Variants in PTPRE observed in about 807,000 individuals in gnomAD.
PTPRE encodes receptor-type tyrosine-protein phosphatase epsilon.
A neutral mutation model predicts 102.0 loss-of-function variants in PTPRE; 51 were observed. The ratio of observed to expected loss-of-function variants is 0.50; its 90% confidence interval spans 0.40 to 0.63. PTPRE has a LOEUF of 0.63. Ranked by LOEUF, PTPRE falls within the 30% of genes least tolerant of loss-of-function variation. The probability of loss-of-function intolerance (pLI) is 0.00; values close to 1 mark genes in which losing one functional copy is unlikely to be tolerated. For synonymous variants in PTPRE, 345 were observed against 348.2 expected, an observed-to-expected ratio of 0.99 and a Z score of 0.10; for missense variants, 752 against 915.1, an observed-to-expected ratio of 0.82 and a Z score of 2.30.
At chr10:127,997,014 C>A in intron 2 of PTPRE, among the ~76,000 whole-genome samples, 1 of 151,468 alleles carries the variant, frequency 6.6e-6, no homozygotes. Context: ...ACATGCAAAG[C>A]AAAAAACAAA....
chr10:127,949,916 C>A (rs1464875386), intron 1 of PTPRE, among the ~76,000 whole-genome samples: 1 of 152,058 alleles, frequency 6.6e-6, no homozygotes, highest in Non-Finnish European at 1.5e-5. Flanking sequence ...AAGTGACCTC[C>A]CCTATCCCAG....
At position 128,083,015 on chromosome 10, in the gene PTPRE, A is replaced by T. The variant is rs1851855855; in HGVS notation, c.*109A>T. ...AATATCTTCCCTAATTTCTTTGTAT[A>T]TATTTTGTTATGCCTTAAAGGCCAC... On this transcript the variant is annotated 3_prime_UTR_variant, in exon 21 of 21. Coordinates refer to ENST00000254667, the MANE Select transcript of PTPRE (RefSeq NM_006504.6). 8.7e-7 allele frequency: 1 copy of T among 1,152,380 alleles called. No individual in the cohort carries two copies. The highest frequency in any genetic ancestry group is 1.1e-6 in the Non-Finnish European group (1 of 870,998). The allele number at this position is 1,152,380 out of a possible 1,614,324, so 71.4% of individuals were successfully genotyped here. A position where few individuals can be genotyped will look rare whatever the true frequency, so the allele number is the denominator to read the frequency against.
chr10:128,018,654 C>T (rs1283251790), intron 2 of PTPRE, among the ~76,000 whole-genome samples: 1 of 152,178 alleles, frequency 6.6e-6, no homozygotes, highest in African/African-American at 2.4e-5. Context: ...TCCTCTGCGA[C>T]CAGGGACCCT....
At chr10:127,971,967 T>C (rs1325279496) in intron 1 of PTPRE, among the ~76,000 whole-genome samples, 3 of 152,220 alleles carry the variant, frequency 2.0e-5, no homozygotes, top group Non-Finnish European at 4.4e-5. Context: ...CCCAGCCTAG[T>C]TTATAGAAGC....
chr10:128,076,020 T>C (rs1350533661), intron 17 of PTPRE, among the ~76,000 whole-genome samples: 1 of 152,236 alleles, frequency 6.6e-6, no homozygotes, highest in African/African-American at 2.4e-5. Context: ...TGATGTTTGT[T>C]GATGAAGAGA....
chr10:128,058,280 G>A (rs1849184995), intron 7 of PTPRE, among the ~76,000 whole-genome samples: 1 of 152,216 alleles, frequency 6.6e-6, no homozygotes, highest in African/African-American at 2.4e-5. Context: ...CCCACCCACT[G>A]CAAGTCTTCT....
At chr10:128,024,525 C>A (rs1846154208) in intron 2 of PTPRE, among the ~76,000 whole-genome samples, 1 of 152,194 alleles carries the variant, frequency 6.6e-6, no homozygotes, top group African/African-American at 2.4e-5. Flanking sequence ...TTCAAGAGGA[C>A]ACTATGCGTA....
At chr10:127,963,737 G>A (rs983089555) in intron 1 of PTPRE, among the ~76,000 whole-genome samples, 5 of 152,048 alleles carry the variant, frequency 3.3e-5, no homozygotes, top group African/African-American at 9.7e-5. Flanking sequence ...TGGAACCCAC[G>A]GGGCTGGGGA....
intron 1 of PTPRE, among the ~76,000 whole-genome samples, chr10:127,913,723 C>A (rs1394058136): frequency 6.6e-6 from 1 of 152,176 alleles, no homozygotes; most frequent in Non-Finnish European, 1.5e-5. Context: ...AGCTCCTGTC[C>A]AGGCAGGTTC....
chr10:128,069,747 A>G lies in PTPRE; in HGVS notation c.1063A>G (p.Met355Val). The change falls in exon 13 of 21, where the codon ATG becomes GTG. Residue 355 changes from methionine (M) to valine (V), a missense_variant. Coordinates refer to ENST00000254667, the MANE Select transcript of PTPRE (RefSeq NM_006504.6). ...FIVIDAMMAM[M>V]HAEQKVDVFE... ...TGTGATCGATGCCATGATGGCCATG[A>G]TGCACGCGGAGCAGAAGGTGGATGT... 5 of 1,614,184 alleles carry G rather than the reference A, an allele frequency of 3.1e-6. No individual in the cohort carries two copies. The highest frequency in any genetic ancestry group is 4.2e-6 in the Non-Finnish European group (5 of 1,180,040).
intron 2 of PTPRE, among the ~76,000 whole-genome samples, chr10:127,984,202 C>T (rs1340141337): frequency 6.6e-6 from 1 of 151,920 alleles, no homozygotes; most frequent in South Asian, 2.1e-4. Flanking sequence ...CTGCCTCAGC[C>T]TCCCGAGTAG....
chr10:127,958,638 T>C (rs1849568837), intron 1 of PTPRE, among the ~76,000 whole-genome samples: 1 of 152,206 alleles, frequency 6.6e-6, no homozygotes, highest in East Asian at 1.9e-4. Context: ...ATGAGAGATA[T>C]TGGTCAATAG....
Position 128,070,502 on chromosome 10 carries a change from G to A in PTPRE, c.1293+52G>A, listed in dbSNP as rs774729852. 7.6e-5 allele frequency: 120 copies of A among 1,579,342 alleles called. No individual in the cohort carries two copies. The highest frequency in any genetic ancestry group is 1.7e-4 in the Middle Eastern group (1 of 5,898). ...TCCTGGTGTAAGCAGCCAAGGGCAC[G>A]AGGAAAACAGGTGACCATTTAAAGG... On this transcript the variant is annotated intron_variant, in intron 14 of 20. Coordinates refer to ENST00000254667, the MANE Select transcript of PTPRE (RefSeq NM_006504.6). The surrounding 1 kb of genome is among the most constrained non-coding windows in gnomAD (Gnocchi z 4.8).
At chr10:127,956,856 A>C (rs972870059) in intron 1 of PTPRE, among the ~76,000 whole-genome samples, 1 of 152,058 alleles carries the variant, frequency 6.6e-6, no homozygotes, top group Non-Finnish European at 1.5e-5. Flanking sequence ...CTTATTTTCC[A>C]TCCATATGTT....
chr10:127,998,441 A>C (rs1334535555), intron 2 of PTPRE: 1 of 152,212 alleles, frequency 6.6e-6, no homozygotes, highest in African/African-American at 2.4e-5. Context: ...TCCATCTTTT[A>C]AAGGCTTTCC....
At chr10:128,017,174 G>A (rs1845502920) in intron 2 of PTPRE, among the ~76,000 whole-genome samples, 1 of 152,156 alleles carries the variant, frequency 6.6e-6, no homozygotes, top group Non-Finnish European at 1.5e-5. Context: ...TCGGTGGCCT[G>A]GGAACAGCAC....
intron 1 of PTPRE, among the ~76,000 whole-genome samples, chr10:127,922,567 C>G (rs1846684609): frequency 6.6e-6 from 1 of 152,240 alleles, no homozygotes; most frequent in Non-Finnish European, 1.5e-5. Context: ...GCCTGTCATC[C>G]AAGTGGGCAC....
chr10:127,996,719 A>T (rs1040045220), intron 2 of PTPRE, among the ~76,000 whole-genome samples: 3 of 152,192 alleles, frequency 2.0e-5, no homozygotes, highest in Non-Finnish European at 2.9e-5. Context: ...CAATGGCTGG[A>T]TCCAGGCACA....
At chr10:127,974,698 A>AT (rs1302837764) in intron 1 of PTPRE, among the ~76,000 whole-genome samples, 9 of 152,210 alleles carry the variant, frequency 5.9e-5, no homozygotes, top group Admixed American at 5.9e-4. Flanking sequence ...CTGGTTTAGC[A>AT]TATTGATGTA....
Sources: gnomAD v4.1 joint callset for allele counts (sites outside exome capture counted in the v4.1 genomes callset) on GRCh38, gnomAD v4.1.1 for gene constraint, Gnocchi (gnomAD v3.1) non-coding constraint, MANE v1.5 for transcripts, NCBI Gene and HGNC (gene_info 2026-07-23, HGNC 2026-07-21) for gene names.